TLL1: variants seen among roughly 807,000 people sequenced by gnomAD.
TLL1 encodes tolloid-like protein 1.
A neutral mutation model predicts 128.2 loss-of-function variants in TLL1; 49 were observed. The ratio of observed to expected loss-of-function variants is 0.38; its 90% CI spans 0.30 to 0.48. The LOEUF (loss-of-function observed/expected upper bound fraction) is 0.48. Ranked by LOEUF, TLL1 falls within the 20% of genes least tolerant of loss-of-function variation. The pLI is 0.96. For synonymous variants in TLL1, 454 were observed against 418.8 expected, an observed-to-expected ratio of 1.08 and a Z score of -1.03; for missense variants, 1,123 against 1,242.0, an observed-to-expected ratio of 0.90 and a Z score of 1.44.
chr4:166,006,889 C>T (rs1372590625), intron 6 of TLL1, among the ~76,000 whole-genome samples: 1 of 151,646 alleles, frequency 6.6e-6, no homozygotes, highest in Non-Finnish European at 1.5e-5. Flanking sequence ...AGAGACATAA[C>T]TCAATTTCTT....
chr4:166,063,123 A>C (rs765519316), intron 15 of TLL1, among the ~76,000 whole-genome samples: 1 of 151,944 alleles, frequency 6.6e-6, no homozygotes, highest in Non-Finnish European at 1.5e-5. Flanking sequence ...GAATCTACAA[A>C]GAACTTAAAC....
chr4:165,994,916 T>C (rs1365404606), intron 4 of TLL1, 145 bp from the exon 5 acceptor site: 2 of 704,528 alleles, frequency 2.8e-6, no homozygotes, highest in African/African-American at 3.5e-5. Context: ...CAATGACTCA[T>C]TTGTGGTGCC....
At chr4:166,007,110 G>T (rs1335733540) in intron 6 of TLL1, among the ~76,000 whole-genome samples, 1 of 151,532 alleles carries the variant, frequency 6.6e-6, no homozygotes, top group Non-Finnish European at 1.5e-5. Context: ...TACAATCTTT[G>T]GGTACTTAAA....
At chr4:166,022,893 G>T (rs2111065446) in intron 8 of TLL1, among the ~76,000 whole-genome samples, 1 of 152,090 alleles carries the variant, frequency 6.6e-6, no homozygotes. Flanking sequence ...TTAGAACATT[G>T]GTATGCTTCT....
intron 16 of TLL1, among the ~76,000 whole-genome samples, chr4:166,072,617 C>A (rs533140099): frequency 5.9e-5 from 9 of 151,456 alleles, no homozygotes; most frequent in Non-Finnish European, 1.3e-4. Context: ...TAATTATACT[C>A]AAAAATATGA....
intron 1 of TLL1, among the ~76,000 whole-genome samples, chr4:165,885,986 C>T (rs1277309563): frequency 6.6e-6 from 1 of 152,160 alleles, no homozygotes; most frequent in African/African-American, 2.4e-5. Context: ...TTCAGCTCCA[C>T]AAACCTTTAA....
intron 17 of TLL1, among the ~76,000 whole-genome samples, chr4:166,077,240 A>C (rs1418845033): frequency 6.6e-6 from 1 of 152,078 alleles, no homozygotes; most frequent in Non-Finnish European, 1.5e-5. Context: ...AAAAAAAAAA[A>C]AAACCCTTAA....
rs190920232 is a variant in TLL1, at chr4:165,943,763, T to C, written c.170-45618T>C. Among the ~76,000 whole-genome samples the C allele has an allele frequency of 2.7e-4, 41 of 152,270 alleles. No individual in the cohort carries two copies. The East Asian group carries it at 5.2e-3, about 19-fold the overall frequency. On this transcript the variant is annotated intron_variant, in intron 1 of 20. Transcript: ENST00000061240. ...AAGCTGCTAAATTAGATTGGAGTTATTTTTTATTTCTGACTTCTTGCTCTA... is the reference window on the plus strand; with the variant it reads ...AAGCTGCTAAATTAGATTGGAGTTACTTTTTATTTCTGACTTCTTGCTCTA...
chr4:165,874,207 C>G, intron 1 of TLL1, 134 bp downstream of exon 1: 1 of 1,113,404 alleles, frequency 9.0e-7, no homozygotes, highest in Non-Finnish European at 1.3e-6. Context: ...TTCTCTCCCC[C>G]TCCTTTTCCT....
chr4:166,023,380 A>G (rs1221927102), intron 8 of TLL1, among the ~76,000 whole-genome samples: 1 of 152,186 alleles, frequency 6.6e-6, no homozygotes, highest in Non-Finnish European at 1.5e-5. Flanking sequence ...AGCCTGGGTG[A>G]CAGATTGAGA....
At chr4:166,052,708 T>C (rs1423846303) in intron 12 of TLL1, among the ~76,000 whole-genome samples, 2 of 152,020 alleles carry the variant, frequency 1.3e-5, no homozygotes, top group African/African-American at 4.8e-5. Flanking sequence ...TCCAATAGGA[T>C]TGGTGAATCA....
intron 8 of TLL1, among the ~76,000 whole-genome samples, chr4:166,024,430 T>C (rs1384593857): frequency 6.6e-6 from 1 of 152,202 alleles, no homozygotes; most frequent in Non-Finnish European, 1.5e-5. Flanking sequence ...AACTGTTCTT[T>C]CAAATTGTTG....
chr4:165,910,196 A>G (rs1156459308), intron 1 of TLL1, among the ~76,000 whole-genome samples: 1 of 152,118 alleles, frequency 6.6e-6, no homozygotes, highest in Admixed American at 6.5e-5. Flanking sequence ...TTCTGAGAAC[A>G]TGACTTTCTT....
At chr4:166,049,844 C>T (rs983983591) in intron 12 of TLL1, among the ~76,000 whole-genome samples, 8 of 151,698 alleles carry the variant, frequency 5.3e-5, no homozygotes, top group Non-Finnish European at 1.0e-4. Flanking sequence ...GATAAATGCT[C>T]ATTTGCATTG....
At chr4:166,094,976 A>G (rs1741952731) in intron 19 of TLL1, among the ~76,000 whole-genome samples, 1 of 152,118 alleles carries the variant, frequency 6.6e-6, no homozygotes, top group Admixed American at 6.5e-5. Context: ...ATGATTTTCA[A>G]TTTATCTTTC....
chr4:165,873,927 C>A lies in TLL1; in HGVS notation c.23C>A (p.Pro8Gln). ...AGGATGGGGTTGGGAACGCTTTCCCCGAGGATGCTCGTGTGGCTGGTGGCC... is the reference window on the plus strand; with the variant it reads ...AGGATGGGGTTGGGAACGCTTTCCCAGAGGATGCTCGTGTGGCTGGTGGCC... MGLGTLS[P>Q]RMLVWLVASG... The change falls in exon 1 of 21, where the codon CCG becomes CAG. Residue 8 changes from proline (P) to glutamine (Q), a missense_variant. Around this residue, in one of 3 missense-constraint regions of TLL1, gnomAD observed 480 missense variants for 542.4 expected, o/e 0.89. Coordinates refer to ENST00000061240, the MANE Select transcript of TLL1 (RefSeq NM_012464.5). 1.2e-6 allele frequency: 2 copies of A among 1,614,032 alleles called. No individual in the cohort carries two copies. Among genetic ancestry groups the A allele is most frequent in the Non-Finnish European group, 1.7e-6 (2 of 1,180,022 alleles).
intron 9 of TLL1, among the ~76,000 whole-genome samples, chr4:166,036,317 A>G (rs192976788): frequency 3.8e-4 from 58 of 152,308 alleles, no homozygotes; most frequent in African/African-American, 1.1e-3. Flanking sequence ...TCAACGTTGC[A>G]ACTTAGACTC....
intron 9 of TLL1, among the ~76,000 whole-genome samples, chr4:166,028,214 T>G (rs1239605265): frequency 6.6e-6 from 1 of 152,118 alleles, no homozygotes; most frequent in Non-Finnish European, 1.5e-5. Flanking sequence ...ATACTTTACC[T>G]GAATTCCACC....
chr4:165,961,575 C>T (rs954112487), intron 1 of TLL1, among the ~76,000 whole-genome samples: 2 of 152,150 alleles, frequency 1.3e-5, no homozygotes, highest in Non-Finnish European at 2.9e-5. Flanking sequence ...AACTATACTG[C>T]AAGGCTACAG....
Sources: gnomAD v4.1 joint callset for allele counts (sites outside exome capture counted in the v4.1 genomes callset) on GRCh38, gnomAD v4.1.1 for gene constraint, gnomAD v4.1.1 regional missense constraint, MANE v1.5 for transcripts, NCBI Gene and HGNC (gene_info 2026-07-23, HGNC 2026-07-21) for gene names.